RAB38: variants seen among roughly 807,000 people sequenced by gnomAD.
The protein encoded by RAB38 is RAB38, member RAS oncogene family.
In RAB38, 15 loss-of-function variants were observed where a neutral mutation model predicts 18.4. The ratio of observed to expected loss-of-function variants is 0.82; its 90% confidence interval spans 0.55 to 1.26. RAB38 has a LOEUF of 1.26. Ranked by LOEUF, RAB38 falls within the 50% of genes most tolerant of loss-of-function variation. The pLI, the probability that RAB38 is intolerant of heterozygous loss-of-function variation, is 0.00. For missense variants in RAB38, 294 were observed against 267.4 expected (o/e 1.10, Z -0.69); for synonymous variants, 101 against 104.4 (o/e 0.97, Z 0.20).
At chr11:88,024,547 G>C in the RAB38 span, among the ~76,000 whole-genome samples, 1 of 152,122 alleles carries the variant, frequency 6.6e-6, no homozygotes. Flanking sequence ...ATACCCAAAA[G>C]GAAGGAAATC....
chr11:88,072,010 C>G, the RAB38 span, among the ~76,000 whole-genome samples: 1 of 152,190 alleles, frequency 6.6e-6, no homozygotes, highest in South Asian at 2.1e-4. Context: ...ACCTTTCATA[C>G]ATACACAATG....
the RAB38 span, among the ~76,000 whole-genome samples, chr11:88,046,639 A>G: frequency 3.3e-5 from 5 of 152,122 alleles, no homozygotes; most frequent in Non-Finnish European, 7.4e-5. Context: ...ATAAAAACAC[A>G]TGTGCTCTCC....
In RAB38 at chr11:88,156,681, G is replaced by A. The variant is rs552511177; in HGVS notation, c.203-6726C>T. ...CATGCCACTGCACTCCAGCCTGGGC[G>A]ACAGAGCAAGACTTTGTCTCAAGAA... On this transcript the variant is annotated intron_variant, in intron 1 of 2. Transcript: ENST00000243662. Among the ~76,000 whole-genome samples, 6 of 151,690 alleles carry A rather than the reference G, an allele frequency of 4.0e-5. No homozygotes were observed. In the South Asian group the frequency reaches 1.0e-3, roughly 26 times the overall value.
the RAB38 span, among the ~76,000 whole-genome samples, chr11:88,008,908 G>C: frequency 2.0e-5 from 3 of 152,238 alleles, no homozygotes; most frequent in South Asian, 6.2e-4. Flanking sequence ...TCTTGACCTC[G>C]TGATCCGCCC....
the RAB38 span, among the ~76,000 whole-genome samples, chr11:88,054,841 G>A: frequency 7.9e-5 from 12 of 152,182 alleles, no homozygotes; most frequent in Admixed American, 5.2e-4. Flanking sequence ...GCGTTATCAG[G>A]AGATCTCCTT....
chr11:88,159,632 C>A (rs1275751428), intron 1 of RAB38, among the ~76,000 whole-genome samples: 1 of 151,958 alleles, frequency 6.6e-6, no homozygotes, highest in Admixed American at 6.6e-5. Context: ...AAAACAGACA[C>A]ATAGACCAAT....
chr11:88,056,203 A>G, the RAB38 span, among the ~76,000 whole-genome samples: 2 of 152,178 alleles, frequency 1.3e-5, no homozygotes, highest in African/African-American at 2.4e-5. Flanking sequence ...CTATTAACCA[A>G]TCAAGCCTAC....
intron 2 of RAB38, among the ~76,000 whole-genome samples, chr11:88,130,876 G>C (rs1433576839): frequency 6.6e-6 from 1 of 152,046 alleles, no homozygotes; most frequent in Non-Finnish European, 1.5e-5. Flanking sequence ...ACTGACATGA[G>C]GGATGAAATT....
At chr11:88,073,218 G>A in the RAB38 span, among the ~76,000 whole-genome samples, 1 of 152,152 alleles carries the variant, frequency 6.6e-6, no homozygotes, top group Admixed American at 6.5e-5. Context: ...GACAAAGTGG[G>A]GACATCCATC....
chr11:87,856,633 A>T, the RAB38 span, among the ~76,000 whole-genome samples: 1 of 152,178 alleles, frequency 6.6e-6, no homozygotes, highest in Non-Finnish European at 1.5e-5. Flanking sequence ...GAAATAATTC[A>T]AATTTATCAT....
At chr11:88,139,343 TG>T (rs2134809370) in intron 2 of RAB38, among the ~76,000 whole-genome samples, 1 of 152,288 alleles carries the variant, frequency 6.6e-6, no homozygotes, top group South Asian at 2.1e-4. Flanking sequence ...CTCTTATTCT[TG>T]GCAACCCAGA....
chr11:88,088,700 G>A, the RAB38 span, among the ~76,000 whole-genome samples: 1 of 151,410 alleles, frequency 6.6e-6, no homozygotes, highest in Admixed American at 6.6e-5. Context: ...CATTCCCTTT[G>A]GCCAATTAAA....
the RAB38 span, among the ~76,000 whole-genome samples, chr11:87,963,766 C>T: frequency 0.067 from 10,212 of 151,848 alleles, 490 homozygotes; most frequent in South Asian, 0.16. Flanking sequence ...CCTGCCTCAG[C>T]CTCCCAAGTA....
At chr11:88,139,157 C>T (rs1181157275) in intron 2 of RAB38, among the ~76,000 whole-genome samples, 1 of 152,086 alleles carries the variant, frequency 6.6e-6, no homozygotes, top group Non-Finnish European at 1.5e-5. Flanking sequence ...ATAGGTAACT[C>T]TGCAGTAACA....
intron 1 of RAB38, among the ~76,000 whole-genome samples, chr11:88,171,223 ATTG>A (rs1943308829): frequency 6.6e-6 from 1 of 152,208 alleles, no homozygotes. Flanking sequence ...AGATGCAGGT[ATTG>A]TTATTATTCC....
chr11:87,851,405 C>T, the RAB38 span, among the ~76,000 whole-genome samples: 2 of 152,114 alleles, frequency 1.3e-5, no homozygotes, highest in South Asian at 2.1e-4. Flanking sequence ...ATTTTTTCCC[C>T]ACCATTTTCA....
the RAB38 span, among the ~76,000 whole-genome samples, chr11:87,857,697 T>A: frequency 6.6e-6 from 1 of 151,800 alleles, no homozygotes; most frequent in East Asian, 1.9e-4. Flanking sequence ...CTTCACCTAC[T>A]TTTTGATGGG....
At chr11:88,013,296 A>G in the RAB38 span, among the ~76,000 whole-genome samples, 2 of 152,188 alleles carry the variant, frequency 1.3e-5, no homozygotes, top group African/African-American at 4.8e-5. Context: ...TGTCTAAAGC[A>G]GGGCTGAGGA....
the RAB38 span, among the ~76,000 whole-genome samples, chr11:87,921,914 G>C: frequency 2.0e-5 from 3 of 151,896 alleles, no homozygotes; most frequent in Non-Finnish European, 2.9e-5. Flanking sequence ...AAACACATGA[G>C]CATAGGACTG....
Sources: allele counts gnomAD v4.1 joint callset (sites outside exome capture counted in the v4.1 genomes callset), GRCh38; gene constraint gnomAD v4.1.1; transcripts MANE v1.5; gene names NCBI Gene and HGNC (gene_info 2026-07-23, HGNC 2026-07-21).